Variants in PIEZO1 observed in about 807,000 individuals in gnomAD.
PIEZO1 encodes piezo-type mechanosensitive ion channel component 1.
PIEZO1 carries 296 observed loss-of-function variants against 297.2 expected under a neutral mutation model. The ratio of observed to expected loss-of-function variants is 1.00; its 90% CI spans 0.91 to 1.10. The LOEUF (loss-of-function observed/expected upper bound fraction) is 1.10. Among genes scored for constraint, PIEZO1 ranks in the 50% least tolerant of loss-of-function variants. The probability of loss-of-function intolerance (pLI) is 0.00; values close to 1 mark genes in which losing one functional copy is unlikely to be tolerated. For synonymous variants in PIEZO1, 2,427 were observed against 1,507.5 expected (o/e 1.61, Z -14.13); for missense variants, 5,018 against 3,455.5 (o/e 1.45, Z -11.34).
At chr16:88,717,323 A>G (rs1912121520) in intron 44 of PIEZO1, 112 bp from the exon 45 acceptor site, 1 of 898,266 alleles carries the variant, frequency 1.1e-6, no homozygotes, top group African/African-American at 1.6e-5. Flanking sequence ...TGACCTCAGT[A>G]TGGCACAGCG....
chr16:88,716,728 C>T lies in PIEZO1; in HGVS notation c.6757G>A (p.Ala2253Thr). 6.5e-7 allele frequency: 1 copy of T among 1,547,992 alleles called. No homozygotes were observed. The highest frequency in any genetic ancestry group is 8.7e-7 in the Non-Finnish European group (1 of 1,146,758). Residue 2253 changes from alanine (A) to threonine (T), a missense_variant, in exon 47 of 51, where the codon GCC becomes ACC. By Grantham distance (58) the Ala-to-Thr change is moderately conservative (BLOSUM62 0). Coordinates refer to ENST00000301015, the MANE Select transcript of PIEZO1 (RefSeq NM_001142864.4). Reference protein sequence around the residue: ...LSRQFDPQPLAMQFISQYSPE... With the variant: ...LSRQFDPQPLTMQFISQYSPE... ...CTGTACTGGCTGATGAACTGCATGG[C>T]CAGCTGGGTACAAGTGACACCCTCA...
chr16:88,749,413 A>G lies in PIEZO1; in HGVS notation c.131T>C (p.Phe44Ser). The change falls in exon 2 of 51, where the codon TTC becomes TCC. Residue 44 changes from phenylalanine to serine, a missense_variant. By Grantham distance (155) the Phe-to-Ser change is radical (BLOSUM62 -2). Coordinates refer to ENST00000301015, the MANE Select transcript of PIEZO1 (RefSeq NM_001142864.4). ...GAGGCCGCATCGGGTGGGGCCGGGG[A>G]ACCAGGGCAGCAGCAGCAGGAAGAG... ...YLLFLLLLPWFPGPTRCGLQG... is the reference protein window; with the variant it reads ...YLLFLLLLPWSPGPTRCGLQG... The G allele has an allele frequency of 6.6e-7, 1 of 1,521,260 alleles. No individual in the cohort carries two copies. The highest frequency in any genetic ancestry group is 8.8e-7 in the Non-Finnish European group (1 of 1,141,050). The allele number at this position is 1,521,260 out of a possible 1,614,324, so 94.2% of individuals were successfully genotyped here.
rs1325185604 is a variant in PIEZO1 at position 88,733,589 on chromosome 16, T to A, written c.2486A>T (p.Glu829Val). 1 of 1,540,036 alleles carries A rather than the reference T, an allele frequency of 6.5e-7. No individual in the cohort carries two copies. Among genetic ancestry groups the A allele is most frequent in the East Asian group, 2.5e-5 (1 of 40,692 alleles). ...AGCTGAGTTGCCTGCCACACTCACC[T>A]CCTTCAGGGCCACCCAGACGGTGTA... Reference protein sequence around the residue: ...ALYTVWVALKEVSVMNLLLVV... With the variant: ...ALYTVWVALKVVSVMNLLLVV... The change falls in exon 18 of 51, where the codon GAG becomes GTG. Residue 829 changes from glutamate to valine, a missense_variant and splice_region_variant. Coordinates refer to ENST00000301015, the MANE Select transcript of PIEZO1 (RefSeq NM_001142864.4).
intron 1 of PIEZO1, among the ~76,000 whole-genome samples, chr16:88,764,838 C>A (rs984791058): frequency 6.6e-6 from 1 of 152,246 alleles, no homozygotes; most frequent in Admixed American, 6.5e-5. Flanking sequence ...CCTCCCAAAA[C>A]GAGGACTCCG....
chr16:88,749,514 A>T, intron 1 of PIEZO1, 35 bp from the exon 2 acceptor site: 1 of 1,464,332 alleles, frequency 6.8e-7, no homozygotes, highest in Non-Finnish European at 9.2e-7. Flanking sequence ...GGTCGCCAAC[A>T]GAGGATGGCC....
At chr16:88,756,307 C>CA (rs1906650725) in intron 1 of PIEZO1, among the ~76,000 whole-genome samples, 1 of 152,204 alleles carries the variant, frequency 6.6e-6, no homozygotes, top group Admixed American at 6.5e-5. Flanking sequence ...TCCTAAGAGG[C>CA]CCCTCCACAA....
chr16:88,766,214 G>C (rs1031445121), intron 1 of PIEZO1, among the ~76,000 whole-genome samples: 1 of 152,200 alleles, frequency 6.6e-6, no homozygotes, highest in African/African-American at 2.4e-5. Context: ...TAAATCAGCA[G>C]ACGGCATGAG....
rs1160990656 is a variant in PIEZO1 at position 88,731,918 on chromosome 16, G to C, written c.2992-8C>G. 36 of 771,146 alleles carry C rather than the reference G, an allele frequency of 4.7e-5. No homozygotes were observed. The highest frequency in any genetic ancestry group is 5.6e-5 in the Non-Finnish European group (35 of 627,234). The allele number at this position is 771,146 out of a possible 1,614,324, so 47.8% of individuals were successfully genotyped here. ...GGCCATCAGGAAGCAGATCTGGGGA[G>C]GGGAGAGGGCGGGGTGTGGGGATGC... On this transcript the variant is annotated splice_polypyrimidine_tract_variant and splice_region_variant and intron_variant, in intron 21 of 50. Coordinates refer to ENST00000301015, the MANE Select transcript of PIEZO1 (RefSeq NM_001142864.4).
intron 27 of PIEZO1, chr16:88,725,903 G>T (rs1159612779): frequency 3.5e-6 from 2 of 576,458 alleles, no homozygotes; most frequent in African/African-American, 3.8e-5. Context: ...GCGTCTGGTG[G>T]CACCCACCCC....
intron 31 of PIEZO1, 71 bp from the exon 32 acceptor site, chr16:88,723,399 G>A (rs1597446940): frequency 2.0e-6 from 3 of 1,506,870 alleles, no homozygotes; most frequent in Middle Eastern, 2.0e-4. Flanking sequence ...CTGGGGTTGG[G>A]CAAGCCGGGC....
intron 12 of PIEZO1, among the ~76,000 whole-genome samples, chr16:88,735,657 C>T (rs1004925194): frequency 8.5e-5 from 13 of 152,388 alleles, no homozygotes; most frequent in African/African-American, 2.9e-4. Context: ...ATGAGACCCA[C>T]TGGCCTGCAA....
Position 88,737,578 on chromosome 16 carries a change from G to A in PIEZO1, c.1176C>T (p.Ser392=), listed in dbSNP as rs950112324. ...NCIVHELTGQ[S]SVLRRPVRPK... Reference sequence around the variant, plus strand: ...ACTCACCAGGCCGCCGCAGGACGGAGCTCTGGCCGGTCAGCTCGTGCACGA... The same window carrying A: ...ACTCACCAGGCCGCCGCAGGACGGAACTCTGGCCGGTCAGCTCGTGCACGA... The change falls in exon 10 of 51, where the codon AGC becomes AGT. Residue 392 remains serine, a synonymous_variant. Transcript: ENST00000301015. The A allele has an allele frequency of 6.5e-6, 10 of 1,534,002 alleles. No homozygotes were observed. Among genetic ancestry groups the A allele is most frequent in the Non-Finnish European group, 8.7e-6 (10 of 1,146,158 alleles).
chr16:88,778,126 C>T (rs1907752814), intron 1 of PIEZO1, among the ~76,000 whole-genome samples: 1 of 152,082 alleles, frequency 6.6e-6, no homozygotes, highest in Admixed American at 6.5e-5. Flanking sequence ...CCCAGCACTG[C>T]GGGGGTCCAG....
chr16:88,735,157 C>T lies in PIEZO1; in HGVS notation c.1647G>A (p.Thr549=), dbSNP rs371201673. 1.6e-3 allele frequency: 2,500 copies of T among 1,550,292 alleles called. 1 individual carries two copies. Among genetic ancestry groups the T allele is most frequent in the Non-Finnish European group, 2.0e-3 (2,298 of 1,146,860 alleles). ...CACCTGTGTCTGCCACGGTGACCTC[C>T]GTCAGCGCAGCTGGAGACTCTGCCC... The part of the protein sequence containing the change: ...LKWAESPAAL[T]EVTVADTEPT... Residue 549 remains threonine, a synonymous_variant, in exon 13 of 51, where the codon ACG becomes ACA. Transcript: ENST00000301015.
At chr16:88,724,368 TA>T (rs1904310892) in intron 30 of PIEZO1, among the ~76,000 whole-genome samples, 1 of 151,964 alleles carries the variant, frequency 6.6e-6, no homozygotes, top group Admixed American at 6.5e-5. Context: ...CCATCTCTAC[TA>T]AAAATACGAA....
At position 88,733,955 on chromosome 16, in the gene PIEZO1, G is replaced by A. The variant is rs773506681; in HGVS notation, c.2280C>T (p.Asp760=). 192 of 1,546,876 alleles carry A rather than the reference G, an allele frequency of 1.2e-4. No individual in the cohort carries two copies. Among genetic ancestry groups the A allele is most frequent in the African/African-American group, 4.1e-4 (30 of 72,730 alleles). ...EEEEEEEDSR[D]EGLGVATPHQ... ...GGGGAGTGGCCACGCCCAGCCCCTCGTCCCTGGAGTCCTCCTCCTCCTCCT... is the reference window on the plus strand; with the variant it reads ...GGGGAGTGGCCACGCCCAGCCCCTCATCCCTGGAGTCCTCCTCCTCCTCCT... Residue 760 remains aspartate, a synonymous_variant, in exon 17 of 51, where the codon GAC becomes GAT. Coordinates refer to ENST00000301015, the MANE Select transcript of PIEZO1 (RefSeq NM_001142864.4).
intron 14 of PIEZO1, 24 bp downstream of exon 14, chr16:88,734,851 C>A: frequency 6.5e-7 from 1 of 1,550,062 alleles, no homozygotes; most frequent in Non-Finnish European, 8.7e-7. Flanking sequence ...CGTGCCCCAG[C>A]CCCCATCCCG....
At position 88,716,455 on chromosome 16, in the gene PIEZO1, A is replaced by G. The variant is rs1048374764; in HGVS notation, c.6955T>C (p.Tyr2319His). 3 of 1,549,140 alleles carry G rather than the reference A, an allele frequency of 1.9e-6. No individual in the cohort carries two copies. ...GCCAGCATGTGCTTCTCGTTGGCAT[A>G]CTCCACAGTGCCTCCCTTCGCCAGG... ...RDLAKGGTVE[Y>H]ANEKHMLALA... The change falls in exon 48 of 51, where the codon TAT becomes CAT. Residue 2319 changes from tyrosine to histidine, a missense_variant. Physicochemically the swap from Tyr to His is moderately conservative, Grantham distance 83. Transcript: ENST00000301015.
chr16:88,734,699 G>C lies in PIEZO1; in HGVS notation c.1948C>G (p.Gln650Glu). The change falls in exon 15 of 51, where the codon CAG (glutamine) becomes GAG (glutamate). Residue 650 changes from glutamine to glutamate, a missense_variant. By Grantham distance (29) the Gln-to-Glu change is conservative. Coordinates refer to ENST00000301015, the MANE Select transcript of PIEZO1 (RefSeq NM_001142864.4). Reference sequence around the variant, plus strand: ...TTGCGCCAGTAGGCAGGGAAGTCCTGGAACTGGAAGGTGTAGACGGCGATG... The same window carrying C: ...TTGCGCCAGTAGGCAGGGAAGTCCTCGAACTGGAAGGTGTAGACGGCGATG... ...VLIAVYTFQF[Q>E]DFPAYWRNLT... 1 of 1,550,354 alleles carries C rather than the reference G, an allele frequency of 6.5e-7. No homozygotes were observed. Among genetic ancestry groups the C allele is most frequent in the South Asian group, 1.2e-5 (1 of 84,066 alleles).
Sources: gnomAD v4.1 joint callset for allele counts (sites outside exome capture counted in the v4.1 genomes callset) on GRCh38, gnomAD v4.1.1 for gene constraint, MANE v1.5 for transcripts, NCBI Gene and HGNC (gene_info 2026-07-23, HGNC 2026-07-21) for gene names.